MCTP2: variants seen among roughly 807,000 people sequenced by gnomAD.
The protein encoded by MCTP2 is multiple C2 and transmembrane domain-containing protein 2.
MCTP2 carries 132 observed loss-of-function variants against 111.6 expected under a neutral mutation model. The observed-to-expected ratio is 1.18, with a 90% CI of 1.03 to 1.37. The LOEUF (loss-of-function observed/expected upper bound fraction) is 1.37, where lower values mean the gene tolerates loss of function less well. MCTP2 is among the 40% of genes most tolerant of loss of function. The pLI is 0.00. For synonymous variants in MCTP2, 395 were observed against 387.7 expected (o/e 1.02, Z -0.22); for missense variants, 1,183 against 1,067.9 (o/e 1.11, Z -1.50).
At chr15:94,311,648 C>T (rs947217408) in intron 2 of MCTP2, among the ~76,000 whole-genome samples, 3 of 152,096 alleles carry the variant, frequency 2.0e-5, no homozygotes, top group Non-Finnish European at 4.4e-5. Context: ...GTTACGGTGG[C>T]TGTGGGAACC....
At chr15:94,387,143 C>CCTTCCTCCTTT (rs2080546360) in intron 14 of MCTP2, among the ~76,000 whole-genome samples, 2 of 151,348 alleles carry the variant, frequency 1.3e-5, no homozygotes, top group African/African-American at 4.9e-5. Flanking sequence ...CCTCCTTCCC[C>CCTTCCTCCTTT]CCTTCCTCCT....
At chr15:94,377,656 G>T (rs1305713623) in intron 12 of MCTP2, among the ~76,000 whole-genome samples, 1 of 152,076 alleles carries the variant, frequency 6.6e-6, no homozygotes, top group African/African-American at 2.4e-5. Context: ...GATTTTTCCT[G>T]GTGATATGGT....
chr15:94,390,725 C>CTTTTT (rs777312969), intron 14 of MCTP2, among the ~76,000 whole-genome samples: 2,518 of 111,874 alleles, frequency 0.023, 32 homozygotes, highest in Middle Eastern at 0.043. Context: ...CTTTTCTTTT[C>CTTTTT]TTTTTTTTTT....
intron 1 of MCTP2, among the ~76,000 whole-genome samples, chr15:94,265,026 G>A (rs1396403421): frequency 1.3e-5 from 2 of 151,708 alleles, no homozygotes; most frequent in Admixed American, 1.3e-4. Flanking sequence ...CTTGTTATAG[G>A]GCACTTTGAT....
At chr15:94,323,750 G>A (rs1176117377) in intron 4 of MCTP2, among the ~76,000 whole-genome samples, 2 of 152,136 alleles carry the variant, frequency 1.3e-5, no homozygotes, top group Non-Finnish European at 2.9e-5. Flanking sequence ...TTAGCAATCC[G>A]CATAGGAAGA....
intron 1 of MCTP2, among the ~76,000 whole-genome samples, chr15:94,284,000 C>T (rs1196240428): frequency 6.6e-6 from 1 of 152,126 alleles, no homozygotes; most frequent in East Asian, 1.9e-4. Context: ...ATTATAGGTG[C>T]AGGCAAGGAT....
Position 94,362,609 on chromosome 15 carries a change from C to T in MCTP2, c.1301+3997C>T, listed in dbSNP as rs116501849. Among the ~76,000 whole-genome samples the T allele has an allele frequency of 4.6e-3, 695 of 152,316 alleles. 3 individuals carry two copies. The highest frequency in any genetic ancestry group is 0.016 in the African/African-American group (676 of 41,570). ...TTTACAGCCAGGCTTGACACATTCACCATTTTCCTCCTGTTCCCTGGCTTC... is the reference window on the plus strand; with the variant it reads ...TTTACAGCCAGGCTTGACACATTCATCATTTTCCTCCTGTTCCCTGGCTTC... On this transcript the variant is annotated intron_variant, in intron 10 of 22. Coordinates refer to ENST00000357742, the MANE Select transcript of MCTP2 (RefSeq NM_001385001.1).
At chr15:94,472,219 A>C (rs1170674188) in intron 21 of MCTP2, among the ~76,000 whole-genome samples, 1 of 152,222 alleles carries the variant, frequency 6.6e-6, no homozygotes, top group East Asian at 1.9e-4. Context: ...TTCTACCAAA[A>C]ATACAAAACT....
rs543553980 is a variant in MCTP2, at chr15:94,354,395, GT to G, written c.1006-1739del. ...TGGAAGTAACTGAATTATGGGGGTG[GT>G]TTCCCCCATGCTGTTCTCATGATAG... On this transcript the variant is annotated intron_variant, in intron 8 of 22. Coordinates refer to ENST00000357742, the MANE Select transcript of MCTP2 (RefSeq NM_001385001.1). Among the ~76,000 whole-genome samples the G allele has an allele frequency of 1.2e-4, 18 of 152,284 alleles. No homozygotes were observed. The South Asian group carries it at 3.7e-3, about 32-fold the overall frequency.
Position 94,244,346 on chromosome 15 carries a change from G to A in MCTP2, c.-66+12682G>A, listed in dbSNP as rs545948006. Among the ~76,000 whole-genome samples, 8 of 146,708 alleles carry A rather than the reference G, an allele frequency of 5.5e-5. No homozygotes were observed. The East Asian group carries it at 1.4e-3, about 26-fold the overall frequency. On this transcript the variant is annotated intron_variant, in intron 1 of 22. Transcript: ENST00000357742. ...TACACATGTATATATACACGTATAC[G>A]TATACACATACATATGTATATATAC... is the stretch of plus-strand genomic sequence containing the variant.
chr15:94,461,924 G>GGACAAAGGAA (rs1214944552), intron 20 of MCTP2, among the ~76,000 whole-genome samples: 1 of 152,118 alleles, frequency 6.6e-6, no homozygotes, highest in Non-Finnish European at 1.5e-5. Flanking sequence ...ATGTCAAAAG[G>GGACAAAGGAA]GACAAAGGAA....
At chr15:94,337,233 C>T (rs781627244) in intron 4 of MCTP2, among the ~76,000 whole-genome samples, 6 of 152,036 alleles carry the variant, frequency 3.9e-5, no homozygotes, top group East Asian at 1.9e-4. Flanking sequence ...TTGTAAACCC[C>T]GGTCCCTTTT....
intron 8 of MCTP2, among the ~76,000 whole-genome samples, chr15:94,354,942 G>A (rs532514151): frequency 1.4e-4 from 22 of 152,322 alleles, no homozygotes; most frequent in South Asian, 2.1e-4. Context: ...TTCATTGCTC[G>A]ACGATGATGC....
At chr15:94,238,118 G>A (rs916647197) in intron 1 of MCTP2, among the ~76,000 whole-genome samples, 1 of 152,022 alleles carries the variant, frequency 6.6e-6, no homozygotes, top group African/African-American at 2.4e-5. Context: ...ACCTCCTGAG[G>A]GCTGAGTCAC....
At chr15:94,430,630 C>T (rs573053323) in intron 17 of MCTP2, among the ~76,000 whole-genome samples, 7 of 149,476 alleles carry the variant, frequency 4.7e-5, no homozygotes, top group African/African-American at 7.4e-5. Flanking sequence ...CGCCTGTAAT[C>T]GCAGCTACTT....
At chr15:94,451,860 A>G (rs1210301268) in intron 19 of MCTP2, among the ~76,000 whole-genome samples, 6 of 152,216 alleles carry the variant, frequency 3.9e-5, no homozygotes, top group African/African-American at 1.2e-4. Context: ...TCTTTAAACT[A>G]GACAAAAGGT....
intron 14 of MCTP2, among the ~76,000 whole-genome samples, chr15:94,393,179 A>C (rs143886026): frequency 6.6e-5 from 10 of 152,338 alleles, no homozygotes; most frequent in African/African-American, 2.4e-4. Flanking sequence ...AACATTATGA[A>C]AATAAGATTC....
intron 6 of MCTP2, 92 bp from the exon 7 acceptor site, chr15:94,340,721 G>A: frequency 2.9e-6 from 2 of 697,324 alleles, no homozygotes; most frequent in Non-Finnish European, 4.8e-6. Context: ...TTATTCAGAG[G>A]TAGGAGACTT....
chr15:94,376,779 A>G (rs1199359723), intron 12 of MCTP2, among the ~76,000 whole-genome samples: 1 of 152,144 alleles, frequency 6.6e-6, no homozygotes, highest in Non-Finnish European at 1.5e-5. Flanking sequence ...TTCTATTTCT[A>G]TTGAGTGCTT....
Sources: gnomAD v4.1 joint callset for allele counts (sites outside exome capture counted in the v4.1 genomes callset) on GRCh38, gnomAD v4.1.1 for gene constraint, MANE v1.5 for transcripts, NCBI Gene and HGNC (gene_info 2026-07-23, HGNC 2026-07-21) for gene names.